ZNF746: variants seen among roughly 807,000 people sequenced by gnomAD.
ZNF746 encodes zinc finger protein 746, also known as parkin-interacting substrate.
In ZNF746, 13 loss-of-function variants were observed where a neutral mutation model predicts 41.0. The observed-to-expected ratio is 0.32, with a 90% CI of 0.21 to 0.50. The LOEUF is 0.50. ZNF746 is among the 20% of genes least tolerant of loss of function. The pLI is 0.98. For missense variants in ZNF746, 811 were observed against 922.9 expected (o/e 0.88, Z 1.57); for synonymous variants, 424 against 396.2 (o/e 1.07, Z -0.83).
At chr7:149,486,422 A>T (rs938691209) in intron 4 of ZNF746, among the ~76,000 whole-genome samples, 12 of 152,006 alleles carry the variant, frequency 7.9e-5, no homozygotes, top group Non-Finnish European at 1.2e-4. Flanking sequence ...AAAAAAAAAA[A>T]AAAGAAAAGA....
Position 149,497,143 on chromosome 7 carries a change from G to T in ZNF746, c.24+370C>A, listed in dbSNP as rs1293148386. The T allele has an allele frequency of 2.0e-5, 20 of 985,386 alleles. No homozygotes were observed. Among genetic ancestry groups the T allele is most frequent in the Non-Finnish European group, 2.3e-5 (19 of 829,924 alleles). 61.0% of individuals were successfully genotyped at this position (985,386 alleles called of 1,614,324 possible). ...CAGGTGCCACCAGGCCGCTGCGGGGGAGATGGAGAGGGACCTACAGGCCGA... is the reference window on the plus strand; with the variant it reads ...CAGGTGCCACCAGGCCGCTGCGGGGTAGATGGAGAGGGACCTACAGGCCGA... On this transcript the variant is annotated intron_variant, in intron 1 of 6. Transcript: ENST00000458143. The surrounding 1 kb of genome is among the most constrained non-coding windows in gnomAD (Gnocchi z 4.2).
Position 149,480,554 on chromosome 7 carries a change from TC to T in ZNF746, c.566-2800del, listed in dbSNP as rs1189460159. 1.8e-3 allele frequency among the ~76,000 whole-genome samples: 270 copies of T among 152,140 alleles called. 1 individual carries two copies. Among genetic ancestry groups the T allele is most frequent in the African/African-American group, 6.2e-3 (257 of 41,480 alleles). ...TTCAAGCAATTCTCCTGCCTCAGCC[TC>T]CCCAGTAGCACTGGGACTACAGGTG... On this transcript the variant is annotated intron_variant, in intron 4 of 6. Coordinates refer to ENST00000458143, the MANE Select transcript of ZNF746 (RefSeq NM_001394198.1).
chr7:149,491,241 T>C (rs1800796855), intron 4 of ZNF746: 1 of 152,474 alleles, frequency 6.6e-6, no homozygotes, highest in South Asian at 2.1e-4. Context: ...TCTTGTCTAC[T>C]GGTGGGTAGA....
At chr7:149,483,396 CAGG>C (rs1303947356) in intron 4 of ZNF746, among the ~76,000 whole-genome samples, 2 of 152,036 alleles carry the variant, frequency 1.3e-5, no homozygotes, top group Non-Finnish European at 2.9e-5. Context: ...ATCACGAGGT[CAGG>C]AGATCGAGAT....
chr7:149,477,930 T>C, intron 4 of ZNF746, 175 bp from the exon 5 acceptor site: 1 of 527,808 alleles, frequency 1.9e-6, no homozygotes. Context: ...GAGCCTGAGG[T>C]CACATGGTAT....
At chr7:149,491,801 CAG>C in intron 4 of ZNF746, 2 of 690,816 alleles carry the variant, frequency 2.9e-6, no homozygotes, top group Non-Finnish European at 5.3e-6. Flanking sequence ...CTGGAGGAAT[CAG>C]GGGTCGAGCC....
At chr7:149,492,508 G>C (rs907084069) in intron 4 of ZNF746, among the ~76,000 whole-genome samples, 1 of 152,146 alleles carries the variant, frequency 6.6e-6, no homozygotes, top group African/African-American at 2.4e-5. Flanking sequence ...TAGATTTTTG[G>C]CTGCGTGGGA....
chr7:149,483,533 G>A (rs953967477), intron 4 of ZNF746, among the ~76,000 whole-genome samples: 2 of 152,002 alleles, frequency 1.3e-5, no homozygotes, highest in African/African-American at 4.8e-5. Flanking sequence ...CTTGAACCCG[G>A]CAAGTGGAGA....
chr7:149,484,271 T>A (rs999907759), intron 4 of ZNF746, among the ~76,000 whole-genome samples: 1 of 152,186 alleles, frequency 6.6e-6, no homozygotes, highest in African/African-American at 2.4e-5. Flanking sequence ...ATCTCATCCA[T>A]GAACAAAGAT....
rs1273433799 is a variant in ZNF746 at position 149,474,836 on chromosome 7, C to T, written c.1531G>A (p.Gly511Ser). 1.4e-4 allele frequency: 195 copies of T among 1,410,714 alleles called. No individual in the cohort carries two copies. The highest frequency in any genetic ancestry group is 1.7e-4 in the Non-Finnish European group (190 of 1,087,634). The allele number at this position is 1,410,714 out of a possible 1,614,324, so 87.4% of individuals were successfully genotyped here. ...TGGGGSGSGG[G>S]GGGSGGGSAR... ...CTGCCCCCACCGCTGCCGCCACCGC[C>T]GCCGCCACTGCCGCTGCCGCCACCG... Residue 511 changes from glycine to serine, a missense_variant, in exon 7 of 7, where the codon GGC becomes AGC. Around this residue, in one of 4 missense-constraint regions of ZNF746, gnomAD observed 495 missense variants for 481.6 expected, o/e 1.03. Coordinates refer to ENST00000458143, the MANE Select transcript of ZNF746 (RefSeq NM_001394198.1). The surrounding 1 kb of genome is among the most constrained non-coding windows in gnomAD (Gnocchi z 6.3).
At chr7:149,493,936 T>C (rs13236631) in intron 3 of ZNF746, 53 bp downstream of exon 3, 1,034,567 of 1,613,448 alleles carry the variant, frequency 0.64, 334,165 homozygotes, top group East Asian at 0.78. Flanking sequence ...GGAGGGAGAA[T>C]TCTGAGGACT....
intron 5 of ZNF746, 86 bp from the exon 6 acceptor site, chr7:149,477,133 C>T: frequency 6.8e-7 from 1 of 1,467,444 alleles, no homozygotes; most frequent in Non-Finnish European, 9.1e-7. Context: ...AGGCTAAACT[C>T]TGAGGTCCCC....
At chr7:149,476,313 CAAAAAAAAAAAA>C (rs55888950) in intron 6 of ZNF746, among the ~76,000 whole-genome samples, 1,196 of 63,382 alleles carry the variant, frequency 0.019, 29 homozygotes, top group African/African-American at 0.07. Flanking sequence ...GACTCCGCCT[CAAAAAAAAAAAA>C]AAAAAAAAAA....
chr7:149,475,562 A>G (rs1800271909), intron 6 of ZNF746, 79 bp from the exon 7 acceptor site: 3 of 1,530,078 alleles, frequency 2.0e-6, no homozygotes, highest in Non-Finnish European at 2.6e-6. Context: ...TCACCTGCTC[A>G]GCAGCTGCCT....
intron 4 of ZNF746, among the ~76,000 whole-genome samples, chr7:149,483,534 C>G (rs6949316): frequency 0.28 from 42,279 of 151,584 alleles, 6,407 homozygotes; most frequent in African/African-American, 0.39. Context: ...TTGAACCCGG[C>G]AAGTGGAGAT....
At chr7:149,496,840 C>T (rs1226444362) in intron 1 of ZNF746, 2 of 985,280 alleles carry the variant, frequency 2.0e-6, no homozygotes, top group Admixed American at 6.1e-5. Flanking sequence ...TGCCCGCGTA[C>T]CTGCCTGCCT....
chr7:149,483,037 G>C (rs1165050041), intron 4 of ZNF746, among the ~76,000 whole-genome samples: 1 of 151,950 alleles, frequency 6.6e-6, no homozygotes, highest in Non-Finnish European at 1.5e-5. Flanking sequence ...CACTTTCTAG[G>C]TCATAAAACA....
At position 149,475,004 on chromosome 7, in the gene ZNF746, C is replaced by G; in HGVS notation, c.1363G>C (p.Gly455Arg). ...GRTKGFGHKP[G>R]LKKHPAAPPG... ...GGCGCCGCGGGGTGCTTCTTCAGCCCTGGCTTGTGGCCAAAGCCTTTGGTC... is the reference window on the plus strand; with the variant it reads ...GGCGCCGCGGGGTGCTTCTTCAGCCGTGGCTTGTGGCCAAAGCCTTTGGTC... Residue 455 changes from glycine to arginine, a missense_variant, in exon 7 of 7, where the codon GGG becomes CGG. By Grantham distance (125) the Gly-to-Arg change is moderately radical (BLOSUM62 -2). This residue lies in a region of ZNF746 where 495 missense variants were observed against 481.6 expected (regional missense o/e 1.03). Transcript: ENST00000458143. 1 of 1,550,516 alleles carries G rather than the reference C, an allele frequency of 6.4e-7. No individual in the cohort carries two copies. The highest frequency in any genetic ancestry group is 8.7e-7 in the Non-Finnish European group (1 of 1,147,208).
At chr7:149,482,684 C>T (rs377114786) in intron 4 of ZNF746, among the ~76,000 whole-genome samples, 143 of 152,278 alleles carry the variant, frequency 9.4e-4, no homozygotes, top group Middle Eastern at 6.8e-3. Flanking sequence ...AGGCTGGCCT[C>T]AAACTCCTGA....
Sources: gnomAD v4.1 joint callset for allele counts (sites outside exome capture counted in the v4.1 genomes callset) on GRCh38, gnomAD v4.1.1 for gene constraint, gnomAD v4.1.1 regional missense constraint, Gnocchi (gnomAD v3.1) non-coding constraint, MANE v1.5 for transcripts, NCBI Gene and HGNC (gene_info 2026-07-23, HGNC 2026-07-21) for gene names.